The following CPSF1 variants were observed in gnomAD, a reference collection of about 807,000 sequenced individuals.
The protein encoded by CPSF1 is cleavage and polyadenylation specific factor 1.
In CPSF1, 106 loss-of-function variants were observed where a neutral mutation model predicts 175.8. The observed-to-expected ratio is 0.60, with a 90% CI of 0.52 to 0.71. CPSF1 has a LOEUF of 0.71. Among genes scored for constraint, CPSF1 ranks in the 30% least tolerant of loss-of-function variants. CPSF1 has a pLI of 0.00. For synonymous variants in CPSF1, 1,024 were observed against 858.3 expected, an observed-to-expected ratio of 1.19 and a Z score of -3.37; for missense variants, 1,734 against 2,022.9, an observed-to-expected ratio of 0.86 and a Z score of 2.74.
At chr8:144,396,817 C>T in intron 24 of CPSF1, 23 bp downstream of exon 24, 2 of 1,613,754 alleles carry the variant, frequency 1.2e-6, no homozygotes, top group Non-Finnish European at 8.5e-7. Context: ...CACCCCACGC[C>T]CCAGCAGTCC....
intron 2 of CPSF1, among the ~76,000 whole-genome samples, chr8:144,407,786 GTCATCCCAC>G (rs1295400853): frequency 6.6e-6 from 1 of 152,160 alleles, no homozygotes; most frequent in African/African-American, 2.4e-5. Context: ...GCCTCAAGCA[GTCATCCCAC>G]TTCAGCCTCC....
rs2116852588 is a variant in CPSF1, at chr8:144,398,578, C to T, written c.1699G>A (p.Asp567Asn). The T allele has an allele frequency of 1.1e-5, 18 of 1,613,832 alleles. No individual in the cohort carries two copies. Among genetic ancestry groups the T allele is most frequent in the South Asian group, 8.8e-5 (8 of 91,096 alleles). ...AGGAATCCGTGTCTGCGGCCGTCGT[C>T]GTCTGCTTCAGGGGTGGTGCTGGGT... ...QEPSTTPEADDDGRRHGFLIL... is the reference protein window; with the variant it reads ...QEPSTTPEADNDGRRHGFLIL... The change falls in exon 18 of 38, where the codon GAC becomes AAC. Residue 567 changes from aspartate (D) to asparagine (N), a missense_variant. Coordinates refer to ENST00000616140, the MANE Select transcript of CPSF1 (RefSeq NM_013291.3).
intron 2 of CPSF1, among the ~76,000 whole-genome samples, chr8:144,402,840 A>G (rs1315886425): frequency 2.0e-5 from 3 of 152,194 alleles, no homozygotes; most frequent in Non-Finnish European, 4.4e-5. Context: ...CAGCCCACAG[A>G]CAGGTGGGAC....
At position 144,394,829 on chromosome 8, in the gene CPSF1, G is replaced by A. The variant is rs374765542; in HGVS notation, c.3415-33C>T. 3 of 1,612,764 alleles carry A rather than the reference G, an allele frequency of 1.9e-6. No homozygotes were observed. In the African/African-American group the frequency reaches 4.0e-5, roughly 22 times the overall value. On this transcript the variant is annotated intron_variant, in intron 30 of 37. Coordinates refer to ENST00000616140, the MANE Select transcript of CPSF1 (RefSeq NM_013291.3). ...GCATGGGTATGGCTGTGGGATGGCT[G>A]TGGGGATGGCAGAGGGGCTGCCAGT...
intron 2 of CPSF1, among the ~76,000 whole-genome samples, chr8:144,407,999 C>T (rs1238282268): frequency 6.6e-6 from 1 of 152,170 alleles, no homozygotes; most frequent in African/African-American, 2.4e-5. Flanking sequence ...GAAACTCCAG[C>T]CCTCGTCAAG....
Position 144,400,439 on chromosome 8 carries a change from G to A in CPSF1, c.741C>T (p.Ile247=), listed in dbSNP as rs1821125953. 2.5e-6 allele frequency: 4 copies of A among 1,613,604 alleles called. No homozygotes were observed. In the East Asian group the frequency reaches 6.7e-5, roughly 27 times the overall value. Residue 247 remains isoleucine (I), a synonymous_variant, in exon 8 of 38, where the codon ATC becomes ATT. Transcript: ENST00000616140. ...TCSIVAISLN[I]TQKVHPVIWS... is the part of the protein sequence containing the mutation. Reference sequence around the variant, plus strand: ...AGATGACGGGGTGCACCTTCTGCGTGATGTTCAGTGAGATGGCCACAATGG... The same window carrying A: ...AGATGACGGGGTGCACCTTCTGCGTAATGTTCAGTGAGATGGCCACAATGG...
Position 144,395,619 on chromosome 8 carries a change from C to T in CPSF1, c.2980-68G>A, listed in dbSNP as rs533576943. 6.0e-4 allele frequency: 807 copies of T among 1,354,466 alleles called. 4 individuals are homozygous for T. The African/African-American group carries it at 8.7e-3, about 15-fold the overall frequency. 83.9% of individuals were successfully genotyped at this position (1,354,466 alleles called of 1,614,324 possible). ...AGGGCAGGGGCAGGCAGGCCCAGGC[C>T]GCCAAGAGCCCTGGGATGTTGCCCT... On this transcript the variant is annotated intron_variant, in intron 26 of 37. Coordinates refer to ENST00000616140, the MANE Select transcript of CPSF1 (RefSeq NM_013291.3).
At chr8:144,401,743 A>G (rs1564696108) in intron 2 of CPSF1, 70 bp from the exon 3 acceptor site, 2 of 1,495,160 alleles carry the variant, frequency 1.3e-6, no homozygotes, top group Non-Finnish European at 1.8e-6. Context: ...GGGAACGAGA[A>G]AAGACCACCA....
chr8:144,403,311 C>G (rs771519897), intron 2 of CPSF1, among the ~76,000 whole-genome samples: 3 of 152,006 alleles, frequency 2.0e-5, no homozygotes, highest in Admixed American at 6.6e-5. Context: ...CCAGGCTGGT[C>G]TTCAACCCCT....
rs2116859883 is a variant in CPSF1 at position 144,399,174 on chromosome 8, G to T, written c.1421C>A (p.Pro474His). 1 of 1,605,862 alleles carries T rather than the reference G, an allele frequency of 6.2e-7. No individual in the cohort carries two copies. Among genetic ancestry groups the T allele is most frequent in the Non-Finnish European group, 8.5e-7 (1 of 1,176,964 alleles). The part of the protein sequence containing the change: ...EVCDSILNIG[P>H]CANAAVGEPA... ...CTCGCCCACGGCGGCATTGGCACAG[G>T]GTCCAATGTTCAGGATGCTGTCACA... The change falls in exon 15 of 38, where the codon CCC (proline) becomes CAC (histidine). Residue 474 changes from proline to histidine, a missense_variant. Coordinates refer to ENST00000616140, the MANE Select transcript of CPSF1 (RefSeq NM_013291.3). The surrounding 1 kb of genome is among the most constrained non-coding windows in gnomAD (Gnocchi z 6.4).
intron 9 of CPSF1, 23 bp downstream of exon 9, chr8:144,400,143 C>CCCCT (rs1387554703): frequency 8.2e-7 from 1 of 1,222,612 alleles, no homozygotes; most frequent in Non-Finnish European, 1.1e-6. Flanking sequence ...GGGCCCCCCC[C>CCCCT]GCCCCAGCCA....
intron 35 of CPSF1, 38 bp from the exon 36 acceptor site, chr8:144,393,834 G>C (rs561854368): frequency 6.2e-7 from 1 of 1,600,656 alleles, no homozygotes; most frequent in Non-Finnish European, 8.5e-7. Context: ...TGTGAGCCAG[G>C]CCAACCCTAG....
At chr8:144,394,087 G>A (rs1217662868) in intron 34 of CPSF1, 26 bp downstream of exon 34, 3 of 1,611,586 alleles carry the variant, frequency 1.9e-6, no homozygotes, top group South Asian at 1.1e-5. Context: ...CCCGGCCCAG[G>A]CAGAGGGGGT....
At position 144,398,601 on chromosome 8, in the gene CPSF1, G is replaced by A. The variant is rs1554865066; in HGVS notation, c.1676C>T (p.Pro559Leu). 2.5e-6 allele frequency: 4 copies of A among 1,613,820 alleles called. No individual in the cohort carries two copies. Among genetic ancestry groups the A allele is most frequent in the Non-Finnish European group, 2.5e-6 (3 of 1,179,994 alleles). ...GTCGTCTGCTTCAGGGGTGGTGCTG[G>A]GTTCCTGCTCTGTGCCCTCCCCCTT... The part of the protein sequence containing the change: ...NPKGEGTEQE[P>L]STTPEADDDG... Residue 559 changes from proline (P) to leucine (L), a missense_variant, in exon 18 of 38, where the codon CCC (proline) becomes CTC (leucine). This residue lies in a region of CPSF1 where 280 missense variants were observed against 349.2 expected (regional missense o/e 0.80). Transcript: ENST00000616140.
chr8:144,409,233 A>G (rs1349462028), intron 1 of CPSF1, 56 bp downstream of exon 1: 1 of 1,301,426 alleles, frequency 7.7e-7, no homozygotes, highest in African/African-American at 1.5e-5. Flanking sequence ...CCGGCCCCGC[A>G]CCGCGCCCCT....
intron 2 of CPSF1, among the ~76,000 whole-genome samples, chr8:144,402,725 C>T (rs2116892564): frequency 4.8e-4 from 73 of 152,150 alleles, no homozygotes; most frequent in South Asian, 4.1e-3. Context: ...GGGCTTCACC[C>T]GCAAATTCTA....
chr8:144,405,549 G>A (rs1268146757), intron 2 of CPSF1, among the ~76,000 whole-genome samples: 2 of 152,092 alleles, frequency 1.3e-5, no homozygotes, highest in Admixed American at 6.5e-5. Flanking sequence ...GCTTGAACCC[G>A]GGAGGCAGAG....
chr8:144,398,061 CAT>C lies in CPSF1; in HGVS notation c.1964_1965del (p.Tyr655CysfsTer18). The C allele has an allele frequency of 6.2e-7, 1 of 1,612,390 alleles. No homozygotes were observed. Among genetic ancestry groups the C allele is most frequent in the Non-Finnish European group, 8.5e-7 (1 of 1,179,702 alleles). ...TGGCCCTCGGCACTCATGATGACCA[CAT>C]AGGGGTCGGCCACGGCGCACTGCAC... Reference protein sequence around the residue: ...PIVQCAVADPYVVIMSAEGHV... With the variant: ...PIVQCAVADPXVVIMSAEGHV... On this transcript the variant is annotated frameshift_variant, in exon 20 of 38. Coordinates refer to ENST00000616140, the MANE Select transcript of CPSF1 (RefSeq NM_013291.3). LOFTEE classifies it high-confidence loss of function.
chr8:144,402,580 C>T (rs2116892092), intron 2 of CPSF1, among the ~76,000 whole-genome samples: 2 of 152,314 alleles, frequency 1.3e-5, no homozygotes, highest in South Asian at 4.1e-4. Context: ...GCTGGGATTA[C>T]AGGCGTGAGC....
Sources: allele counts gnomAD v4.1 joint callset (sites outside exome capture counted in the v4.1 genomes callset), GRCh38; gene constraint gnomAD v4.1.1; regional missense constraint gnomAD v4.1.1; non-coding constraint Gnocchi (gnomAD v3.1); transcripts MANE v1.5; gene names NCBI Gene and HGNC (gene_info 2026-07-23, HGNC 2026-07-21).